Variants in GM2A observed in about 807,000 individuals in gnomAD.
GM2A encodes the protein ganglioside GM2 activator.
A neutral mutation model predicts 12.9 loss-of-function variants in GM2A; 7 were observed. That is an observed-to-expected ratio of 0.54 (90% confidence interval 0.31 to 1.02). GM2A has a LOEUF of 1.02. Ranked by LOEUF, GM2A falls within the 50% of genes least tolerant of loss-of-function variation. GM2A has a pLI of 0.05. For missense variants in GM2A, 246 were observed against 241.0 expected, an observed-to-expected ratio of 1.02 and a Z score of -0.14; for synonymous variants, 101 against 96.0, an observed-to-expected ratio of 1.05 and a Z score of -0.30.
chr5:151,255,682 C>T (rs932841540), intron 1 of GM2A, among the ~76,000 whole-genome samples: 1 of 152,188 alleles, frequency 6.6e-6, no homozygotes, highest in African/African-American at 2.4e-5. Flanking sequence ...GTGGGCTTGG[C>T]CTCACTCTGC....
intron 1 of GM2A, among the ~76,000 whole-genome samples, chr5:151,259,402 T>C (rs535476132): frequency 6.6e-6 from 1 of 152,264 alleles, no homozygotes; most frequent in South Asian, 2.1e-4. Context: ...CAAGGCTGGC[T>C]GGAGAGGAGT....
At chr5:151,261,186 A>G (rs954469983) in intron 2 of GM2A, among the ~76,000 whole-genome samples, 1 of 152,002 alleles carries the variant, frequency 6.6e-6, no homozygotes, top group African/African-American at 2.4e-5. Context: ...CACCATGCTT[A>G]CCTAATTTTT....
At chr5:151,261,709 G>C (rs758671402) in intron 2 of GM2A, among the ~76,000 whole-genome samples, 1 of 152,198 alleles carries the variant, frequency 6.6e-6, no homozygotes, top group Admixed American at 6.5e-5. Context: ...AAAGTGCTGG[G>C]ATTACAGACA....
Position 151,268,290 on chromosome 5 carries a change from G to T in GM2A, c.*839G>T. ...CCTGCCTCAGCCTCCCAAGTAGCTT[G>T]GACTACAGGCCCTGCCACCACGCCC... On this transcript the variant is annotated 3_prime_UTR_variant, in exon 4 of 4. Coordinates refer to ENST00000357164, the MANE Select transcript of GM2A (RefSeq NM_000405.5). 2.5e-6 allele frequency: 1 copy of T among 396,948 alleles called. No homozygotes were observed. The highest frequency in any genetic ancestry group is 3.4e-6 in the Non-Finnish European group (1 of 292,514). 24.6% of individuals were successfully genotyped at this position (396,948 alleles called of 1,614,324 possible).
In GM2A at chr5:151,253,293, A is replaced by T. The variant is rs950802002; in HGVS notation, c.77A>T (p.Lys26Ile). 6.2e-7 allele frequency: 1 copy of T among 1,610,038 alleles called. No individual in the cohort carries two copies. The highest frequency in any genetic ancestry group is 1.1e-5 in the South Asian group (1 of 90,992). ...LLAAPAQAHL[K>I]KPSQLSSFSW... is the part of the protein sequence containing the mutation. Reference sequence around the variant, plus strand: ...GCGGCCCCTGCGCAAGCCCACCTGAAAAAGGTGAGTGCACCCTCTTTTAAG... The same window carrying T: ...GCGGCCCCTGCGCAAGCCCACCTGATAAAGGTGAGTGCACCCTCTTTTAAG... Residue 26 changes from lysine to isoleucine, a missense_variant, in exon 1 of 4, where the codon AAA (lysine) becomes ATA (isoleucine). Lys to Ile is a moderately radical substitution (Grantham distance 102). Transcript: ENST00000357164.
chr5:151,253,396 A>G, intron 1 of GM2A, 99 bp downstream of exon 1: 1 of 819,138 alleles, frequency 1.2e-6, no homozygotes, highest in Non-Finnish European at 2.1e-6. Context: ...TCCGTTCTCT[A>G]GAATTGGTTC....
intron 2 of GM2A, among the ~76,000 whole-genome samples, chr5:151,265,469 T>C (rs1250274967): frequency 1.3e-5 from 2 of 152,208 alleles, no homozygotes; most frequent in East Asian, 1.9e-4. Context: ...ATGTCAGAGC[T>C]GAAAGGGATC....
rs1753962734 is a variant in GM2A at position 151,269,295 on chromosome 5, A to G, written c.*1844A>G. On this transcript the variant is annotated 3_prime_UTR_variant, in exon 4 of 4. Coordinates refer to ENST00000357164, the MANE Select transcript of GM2A (RefSeq NM_000405.5). ...TCACTGATCACATCTCAGGATTTCA[A>G]AAGCATTTTTGGGGTGGGGCTCTTT... 5.1e-6 allele frequency: 5 copies of G among 985,366 alleles called. No individual in the cohort carries two copies. The highest frequency in any genetic ancestry group is 1.7e-5 in the African/African-American group (1 of 57,220). The allele number at this position is 985,366 out of a possible 1,614,324, so 61.0% of individuals were successfully genotyped here. A position where few individuals can be genotyped will look rare whatever the true frequency, so the allele number is the denominator to read the frequency against.
chr5:151,261,214 G>A (rs569777587), intron 2 of GM2A, among the ~76,000 whole-genome samples: 6 of 152,120 alleles, frequency 3.9e-5, no homozygotes, highest in South Asian at 2.1e-4. Context: ...TTATGGAGAC[G>A]GAGCCTCCCT....
intron 2 of GM2A, 30 bp from the exon 3 acceptor site, chr5:151,266,701 T>A: frequency 6.3e-7 from 1 of 1,588,032 alleles, no homozygotes; most frequent in South Asian, 1.1e-5. Context: ...ATAACCTTTT[T>A]CAAACCTTTG....
intron 1 of GM2A, among the ~76,000 whole-genome samples, chr5:151,254,711 A>C (rs987353397): frequency 1.3e-5 from 2 of 152,230 alleles, no homozygotes; most frequent in Non-Finnish European, 2.9e-5. Context: ...ACATGCCCAG[A>C]ACATTTACAT....
chr5:151,267,013 C>G, intron 3 of GM2A, 100 bp downstream of exon 3: 1 of 1,052,176 alleles, frequency 9.5e-7, no homozygotes, highest in Non-Finnish European at 1.5e-6. Flanking sequence ...CTGCATGTCT[C>G]TGGATTTGTA....
chr5:151,263,521 T>C (rs1753834664), intron 2 of GM2A, among the ~76,000 whole-genome samples: 1 of 152,164 alleles, frequency 6.6e-6, no homozygotes, highest in African/African-American at 2.4e-5. Flanking sequence ...TCAGGAAAGG[T>C]TGCAACTTGA....
At position 151,268,526 on chromosome 5, in the gene GM2A, C is replaced by T. The variant is rs1753942146; in HGVS notation, c.*1075C>T. 2.0e-6 allele frequency: 2 copies of T among 985,356 alleles called. No homozygotes were observed. Among genetic ancestry groups the T allele is most frequent in the Non-Finnish European group, 2.4e-6 (2 of 829,940 alleles). The allele number at this position is 985,356 out of a possible 1,614,324, so 61.0% of individuals were successfully genotyped here. On this transcript the variant is annotated 3_prime_UTR_variant, in exon 4 of 4. Transcript: ENST00000357164. Reference sequence around the variant, plus strand: ...CACAGAAAGTCACAGCACATGTGCCCATTGATACAAGGCTGCTGAGGCCTG... The same window carrying T: ...CACAGAAAGTCACAGCACATGTGCCTATTGATACAAGGCTGCTGAGGCCTG...
Position 151,268,664 on chromosome 5 carries a change from A to C in GM2A, c.*1213A>C. Reference sequence around the variant, plus strand: ...ACTGGCAATACTCCAGCCTGGTGACAGAGTGAGACTCTGTCTCAAAAAAAA... The same window carrying C: ...ACTGGCAATACTCCAGCCTGGTGACCGAGTGAGACTCTGTCTCAAAAAAAA... On this transcript the variant is annotated 3_prime_UTR_variant, in exon 4 of 4. Transcript: ENST00000357164. 1.5e-6 allele frequency: 1 copy of C among 647,448 alleles called. No homozygotes were observed. The highest frequency in any genetic ancestry group is 1.9e-6 in the Non-Finnish European group (1 of 524,484). 40.1% of individuals were successfully genotyped at this position (647,448 alleles called of 1,614,324 possible).
rs767781109 is a variant in GM2A, at chr5:151,259,846, T to C, written c.173T>C (p.Ile58Thr). Residue 58 changes from isoleucine to threonine, a missense_variant, in exon 2 of 4, where the codon ATC becomes ACC. Physicochemically the swap from Ile to Thr is moderately conservative, Grantham distance 89 (BLOSUM62 -1). Transcript: ENST00000357164. The stretch of plus-strand genomic sequence containing the variant: ...AGCCTGACTCTGGAGCCTGACCCCA[T>C]CATCGTTCCTGGAAATGTGACCCTC... ...IRSLTLEPDP[I>T]IVPGNVTLSV... The C allele has an allele frequency of 1.1e-5, 17 of 1,613,022 alleles. No individual in the cohort carries two copies. In the East Asian group the frequency reaches 3.3e-4, roughly 32 times the overall value.
intron 1 of GM2A, among the ~76,000 whole-genome samples, chr5:151,254,246 G>T (rs1753642676): frequency 6.6e-6 from 1 of 152,184 alleles, no homozygotes; most frequent in African/African-American, 2.4e-5. Context: ...TCGAAATGTT[G>T]ATTTCAGTTC....
Position 151,267,832 on chromosome 5 carries a change from C to A in GM2A, c.*381C>A. 1 of 1,171,162 alleles carries A rather than the reference C, an allele frequency of 8.5e-7. No homozygotes were observed. Among genetic ancestry groups the A allele is most frequent in the Non-Finnish European group, 1.1e-6 (1 of 934,648 alleles). The allele number at this position is 1,171,162 out of a possible 1,614,324, so 72.5% of individuals were successfully genotyped here. A position where few individuals can be genotyped will look rare whatever the true frequency, so the allele number is the denominator to read the frequency against. ...CTTTCACTCTTTTTTTTTTTTGTCA[C>A]TAAGTTAAAAGCGAAGTGAGAGTAT... On this transcript the variant is annotated 3_prime_UTR_variant, in exon 4 of 4. Transcript: ENST00000357164.
At chr5:151,263,220 G>A (rs1157688518) in intron 2 of GM2A, among the ~76,000 whole-genome samples, 4 of 150,912 alleles carry the variant, frequency 2.7e-5, no homozygotes, top group African/African-American at 9.7e-5. Context: ...AGCCTCCAGA[G>A]TAGCTGGGAT....
Sources: allele counts gnomAD v4.1 joint callset (sites outside exome capture counted in the v4.1 genomes callset), GRCh38; gene constraint gnomAD v4.1.1; transcripts MANE v1.5; gene names NCBI Gene and HGNC (gene_info 2026-07-23, HGNC 2026-07-21).